The following NDC1 variants were observed in gnomAD, a reference collection of about 807,000 sequenced individuals.
NDC1 encodes nucleoporin NDC1.
NDC1 carries 24 observed loss-of-function variants against 89.8 expected under a neutral mutation model. The ratio of observed to expected loss-of-function variants is 0.27; its 90% confidence interval spans 0.19 to 0.38. The LOEUF (loss-of-function observed/expected upper bound fraction) is 0.38, where lower values mean the gene tolerates loss of function less well. Among genes scored for constraint, NDC1 ranks in the 10% least tolerant of loss-of-function variants. NDC1 has a pLI of 1.00. For synonymous variants in NDC1, 296 were observed against 284.8 expected (o/e 1.04, Z -0.39); for missense variants, 728 against 797.6 (o/e 0.91, Z 1.05).
In NDC1 at chr1:53,835,479, C is replaced by G. The variant is rs1244518674; in HGVS notation, c.178+21G>C. On this transcript the variant is annotated intron_variant, in intron 2 of 17. Coordinates refer to ENST00000371429, the MANE Select transcript of NDC1 (RefSeq NM_018087.5). ...GAGAAGTAGGTCCTATAACTTTCTC[C>G]CCAAGTTGAGTATCACCTACCAGAC... 3 of 1,587,628 alleles carry G rather than the reference C, an allele frequency of 1.9e-6. No homozygotes were observed. In the East Asian group the frequency reaches 6.8e-5, roughly 36 times the overall value.
chr1:53,836,408 A>T (rs1235674987), intron 1 of NDC1, among the ~76,000 whole-genome samples: 1 of 150,570 alleles, frequency 6.6e-6, no homozygotes, highest in Non-Finnish European at 1.5e-5. Context: ...AAAATTAGCC[A>T]GGCATCATTC....
intron 16 of NDC1, among the ~76,000 whole-genome samples, chr1:53,775,942 C>T (rs1183572843): frequency 6.6e-6 from 1 of 150,676 alleles, no homozygotes; most frequent in Non-Finnish European, 1.5e-5. Context: ...TGAAGGTTCA[C>T]AGTCTGAAAT....
chr1:53,809,603 A>T, intron 7 of NDC1, 92 bp downstream of exon 7: 1 of 963,592 alleles, frequency 1.0e-6, no homozygotes, highest in Non-Finnish European at 1.6e-6. Context: ...AAAAAATGTT[A>T]AAGGCAAAAT....
intron 6 of NDC1, among the ~76,000 whole-genome samples, chr1:53,811,151 C>T (rs1648293269): frequency 6.6e-6 from 1 of 152,192 alleles, no homozygotes; most frequent in Admixed American, 6.5e-5. Flanking sequence ...CAGGCCATTC[C>T]TGCCTGGCAC....
At chr1:53,780,639 G>C (rs1022762225) in intron 16 of NDC1, among the ~76,000 whole-genome samples, 1 of 151,938 alleles carries the variant, frequency 6.6e-6, no homozygotes, top group Non-Finnish European at 1.5e-5. Context: ...TAATAGATAG[G>C]GTTGATCAAC....
intron 5 of NDC1, among the ~76,000 whole-genome samples, chr1:53,820,282 A>T (rs771536548): frequency 2.0e-5 from 3 of 152,052 alleles, no homozygotes; most frequent in Non-Finnish European, 4.4e-5. Context: ...AAAGAAAACA[A>T]AATCGCAAAA....
rs919344389 is a variant in NDC1, at chr1:53,772,506, A to G, written c.1801-17T>C. The G allele has an allele frequency of 6.2e-7, 1 of 1,610,880 alleles. No homozygotes were observed. Among genetic ancestry groups the G allele is most frequent in the Admixed American group, 1.7e-5 (1 of 59,780 alleles). On this transcript the variant is annotated splice_polypyrimidine_tract_variant and intron_variant, in intron 16 of 17. Coordinates refer to ENST00000371429, the MANE Select transcript of NDC1 (RefSeq NM_018087.5). Reference sequence around the variant, plus strand: ...GTCGACTGCCTACACCAAGAAAGAAAACACATCAGTTTAGATTATAAAGAA... The same window carrying G: ...GTCGACTGCCTACACCAAGAAAGAAGACACATCAGTTTAGATTATAAAGAA...
chr1:53,833,607 A>T (rs1357567074), intron 2 of NDC1, among the ~76,000 whole-genome samples: 1 of 152,168 alleles, frequency 6.6e-6, no homozygotes, highest in African/African-American at 2.4e-5. Context: ...CATACATTAC[A>T]TCATCTAAAC....
chr1:53,833,027 G>GA (rs1649115126), intron 2 of NDC1, among the ~76,000 whole-genome samples: 1 of 151,672 alleles, frequency 6.6e-6, no homozygotes, highest in Admixed American at 6.6e-5. Context: ...CAAAGGGGGG[G>GA]AGAAAAAAGG....
chr1:53,837,812 AC>A (rs1368756869), intron 1 of NDC1, among the ~76,000 whole-genome samples: 1 of 152,058 alleles, frequency 6.6e-6, no homozygotes, highest in Non-Finnish European at 1.5e-5. Flanking sequence ...CTGGACCCTA[AC>A]CCCAGCCTCT....
rs564203427 is a variant in NDC1, at chr1:53,784,913, A to C, written c.1800+2245T>G. 5.6e-3 allele frequency among the ~76,000 whole-genome samples: 850 copies of C among 151,686 alleles called. 10 individuals carry two copies. The highest frequency in any genetic ancestry group is 0.019 in the African/African-American group (794 of 41,438). ...ACGGAGCTTGCAGTGAGCTGAGATC[A>C]CGCCACTGCACTCCAGCCTGGGCAA... On this transcript the variant is annotated intron_variant, in intron 16 of 17. Transcript: ENST00000371429.
chr1:53,826,024 ATTACT>A (rs1648849916), intron 4 of NDC1, 88 bp from the exon 5 acceptor site: 1 of 1,304,454 alleles, frequency 7.7e-7, no homozygotes, highest in Non-Finnish European at 1.1e-6. Flanking sequence ...GCAAAGCTTA[ATTACT>A]TTAATGACTT....
At chr1:53,777,072 G>C (rs188740739) in intron 16 of NDC1, among the ~76,000 whole-genome samples, 110 of 151,832 alleles carry the variant, frequency 7.2e-4, no homozygotes, top group African/African-American at 2.6e-3. Context: ...CTGTTGCCCA[G>C]GCTGAAGTGC....
intron 16 of NDC1, among the ~76,000 whole-genome samples, chr1:53,778,260 T>TATACAC (rs767542333): frequency 6.9e-6 from 1 of 144,700 alleles, no homozygotes; most frequent in African/African-American, 2.6e-5. Context: ...TGTGTGTATA[T>TATACAC]ACACACACAC....
At chr1:53,771,976 T>C (rs1222500690) in intron 17 of NDC1, among the ~76,000 whole-genome samples, 1 of 152,192 alleles carries the variant, frequency 6.6e-6, no homozygotes, top group Non-Finnish European at 1.5e-5. Flanking sequence ...CTGACCAAGA[T>C]ATAACAATAG....
chr1:53,808,961 C>A (rs975435937), intron 7 of NDC1, among the ~76,000 whole-genome samples: 12 of 152,128 alleles, frequency 7.9e-5, no homozygotes, highest in African/African-American at 2.9e-4. Context: ...ACAATAAGAA[C>A]AAACACTGAG....
intron 10 of NDC1, 37 bp from the exon 11 acceptor site, chr1:53,800,885 A>T: frequency 6.6e-7 from 1 of 1,524,584 alleles, no homozygotes; most frequent in Non-Finnish European, 8.8e-7. Flanking sequence ...AAATGTAAAT[A>T]ATCTTACATT....
At chr1:53,809,014 G>T (rs908684451) in intron 7 of NDC1, among the ~76,000 whole-genome samples, 1 of 152,298 alleles carries the variant, frequency 6.6e-6, no homozygotes, top group African/African-American at 2.4e-5. Flanking sequence ...AAACCTTTAT[G>T]TGCAAAGTGC....
chr1:53,815,317 T>C (rs1648441965), intron 6 of NDC1, among the ~76,000 whole-genome samples: 1 of 152,214 alleles, frequency 6.6e-6, no homozygotes, highest in African/African-American at 2.4e-5. Context: ...TCAATAAATG[T>C]GATACACCAC....
Sources: allele counts gnomAD v4.1 joint callset (sites outside exome capture counted in the v4.1 genomes callset), GRCh38; gene constraint gnomAD v4.1.1; transcripts MANE v1.5; gene names NCBI Gene and HGNC (gene_info 2026-07-23, HGNC 2026-07-21).